Variants in NBEA observed in about 807,000 individuals in gnomAD.
NBEA encodes the protein neurobeachin.
In NBEA, 44 loss-of-function variants were observed where a neutral mutation model predicts 343.4. The ratio of observed to expected loss-of-function variants is 0.13; its 90% CI spans 0.10 to 0.16. The LOEUF (loss-of-function observed/expected upper bound fraction) is 0.16. Ranked by LOEUF, NBEA falls within the 10% of genes least tolerant of loss-of-function variation. The pLI is 1.00. For synonymous variants in NBEA, 1,175 were observed against 1,238.7 expected, an observed-to-expected ratio of 0.95 and a Z score of 1.08; for missense variants, 2,555 against 3,631.3, an observed-to-expected ratio of 0.70 and a Z score of 7.62.
chr13:35,468,959 C>T (rs1166088924), intron 40 of NBEA, among the ~76,000 whole-genome samples: 1 of 151,786 alleles, frequency 6.6e-6, no homozygotes, highest in Non-Finnish European at 1.5e-5. Context: ...ATTAGCTGGG[C>T]ACAGTGGTGC....
chr13:35,468,210 C>G (rs1165565782), intron 40 of NBEA, among the ~76,000 whole-genome samples: 1 of 149,822 alleles, frequency 6.7e-6, no homozygotes, highest in African/African-American at 2.5e-5. Context: ...TATATCTAAG[C>G]CTCATTCTTT....
At chr13:35,318,200 C>T (rs898825251) in intron 36 of NBEA, among the ~76,000 whole-genome samples, 1 of 152,070 alleles carries the variant, frequency 6.6e-6, no homozygotes, top group African/African-American at 2.4e-5. Flanking sequence ...GAAATGCTTC[C>T]AGTTTTTGCC....
At chr13:34,974,810 A>C (rs777713840) in intron 1 of NBEA, among the ~76,000 whole-genome samples, 2 of 152,204 alleles carry the variant, frequency 1.3e-5, no homozygotes, top group African/African-American at 4.8e-5. Context: ...ATATGTGTGG[A>C]CTACAGCAAT....
chr13:35,214,203 T>C (rs539657161), intron 33 of NBEA, among the ~76,000 whole-genome samples: 7 of 152,106 alleles, frequency 4.6e-5, no homozygotes, highest in Middle Eastern at 3.4e-3. Context: ...AATGATTCTA[T>C]AGATATTTGA....
intron 38 of NBEA, among the ~76,000 whole-genome samples, chr13:35,378,607 C>T (rs558088465): frequency 4.7e-4 from 72 of 151,932 alleles, no homozygotes; most frequent in South Asian, 2.1e-4. Flanking sequence ...CTATAGATCA[C>T]CACAGGATAT....
chr13:35,455,983 A>G (rs2046563100), intron 40 of NBEA, among the ~76,000 whole-genome samples: 1 of 152,088 alleles, frequency 6.6e-6, no homozygotes, highest in African/African-American at 2.4e-5. Flanking sequence ...TCTTCTGTTT[A>G]TAACTCAATT....
chr13:35,190,316 A>G (rs2072086827), intron 30 of NBEA, among the ~76,000 whole-genome samples: 1 of 152,140 alleles, frequency 6.6e-6, no homozygotes. Context: ...AGAATGAGAT[A>G]TCCATATTCC....
intron 36 of NBEA, among the ~76,000 whole-genome samples, chr13:35,313,433 G>T (rs1045647477): frequency 1.3e-5 from 2 of 152,042 alleles, no homozygotes; most frequent in Admixed American, 6.6e-5. Flanking sequence ...CTATTTATTT[G>T]CCCTGTTAAA....
At chr13:35,419,271 T>C (rs916384056) in intron 38 of NBEA, among the ~76,000 whole-genome samples, 9 of 152,020 alleles carry the variant, frequency 5.9e-5, no homozygotes, top group Non-Finnish European at 4.4e-5. Context: ...CCAGTAGATT[T>C]GGTGTTTCGT....
At chr13:35,462,488 G>C (rs2046962134) in intron 40 of NBEA, among the ~76,000 whole-genome samples, 1 of 152,198 alleles carries the variant, frequency 6.6e-6, no homozygotes, top group Non-Finnish European at 1.5e-5. Context: ...TAGGTAGAAA[G>C]CATGAGTCAG....
chr13:35,645,921 A>T lies in NBEA; in HGVS notation c.7670A>T (p.Asp2557Val). 6.4e-7 allele frequency: 1 copy of T among 1,564,984 alleles called. No individual in the cohort carries two copies. Among genetic ancestry groups the T allele is most frequent in the Non-Finnish European group, 8.7e-7 (1 of 1,149,454 alleles). The change falls in exon 50 of 59, where the codon GAC becomes GTC. Residue 2557 changes from aspartate to valine, a missense_variant. Asp to Val is a radical substitution (Grantham distance 152). This residue lies in a region of NBEA where 87 missense variants were observed against 75.0 expected (regional missense o/e 1.16). Transcript: ENST00000379939. ...CCCCACACTTTCCTTCTTACAAAGGACTTTATTAAGGTATATGTTCTGTAT... is the reference window on the plus strand; with the variant it reads ...CCCCACACTTTCCTTCTTACAAAGGTCTTTATTAAGGTATATGTTCTGTAT... ...RDPHTFLLTK[D>V]FIKAMEAQIQ... is the part of the protein sequence containing the mutation.
chr13:35,001,180 G>C (rs1026088360), intron 1 of NBEA, among the ~76,000 whole-genome samples: 5 of 152,120 alleles, frequency 3.3e-5, no homozygotes, highest in African/African-American at 1.2e-4. Context: ...ACAAATGCTG[G>C]GTAGGATACA....
intron 34 of NBEA, among the ~76,000 whole-genome samples, chr13:35,246,850 C>T (rs1023201111): frequency 1.3e-5 from 2 of 152,074 alleles, no homozygotes; most frequent in Non-Finnish European, 2.9e-5. Context: ...GGCCCTAGAT[C>T]TCCAAAGAGA....
chr13:35,025,682 G>C (rs1459801429), intron 1 of NBEA, among the ~76,000 whole-genome samples: 1 of 152,038 alleles, frequency 6.6e-6, no homozygotes, highest in Non-Finnish European at 1.5e-5. Flanking sequence ...TTGAATAAAA[G>C]AGATGTCTCA....
intron 31 of NBEA, among the ~76,000 whole-genome samples, chr13:35,198,538 T>C (rs1322404476): frequency 6.6e-6 from 1 of 152,192 alleles, no homozygotes; most frequent in Admixed American, 6.5e-5. Context: ...ATTATACTTT[T>C]GAGAATATTG....
In NBEA at chr13:35,654,852, T is replaced by C; in HGVS notation, c.8036-3T>C. The C allele has an allele frequency of 6.4e-7, 1 of 1,566,416 alleles. No individual in the cohort carries two copies. Among genetic ancestry groups the C allele is most frequent in the South Asian group, 1.2e-5 (1 of 80,472 alleles). On this transcript the variant is annotated splice_region_variant and splice_polypyrimidine_tract_variant and intron_variant, in intron 53 of 58. Coordinates refer to ENST00000379939, the MANE Select transcript of NBEA (RefSeq NM_001385012.1). ...TCAAATGCTTTTTTCCATTTACTTTTAGCCAATAATTCAGGTGTAAACAAA... is the reference window on the plus strand; with the variant it reads ...TCAAATGCTTTTTTCCATTTACTTTCAGCCAATAATTCAGGTGTAAACAAA...
chr13:35,639,199 A>G (rs1279856707), intron 49 of NBEA, among the ~76,000 whole-genome samples: 3 of 152,206 alleles, frequency 2.0e-5, no homozygotes, highest in South Asian at 2.1e-4. Flanking sequence ...TGTGGTTTCT[A>G]TGAAAAACTA....
intron 39 of NBEA, among the ~76,000 whole-genome samples, chr13:35,434,324 A>G (rs2045295827): frequency 6.6e-6 from 1 of 152,286 alleles, no homozygotes; most frequent in African/African-American, 2.4e-5. Context: ...TGTGATACTA[A>G]ATATTCTTTA....
rs925407349 is a variant in NBEA, at chr13:35,671,887, C to A, written c.*896C>A. The A allele has an allele frequency of 6.6e-6, 1 of 152,426 alleles. No individual in the cohort carries two copies. The highest frequency in any genetic ancestry group is 2.4e-5 in the African/African-American group (1 of 41,422). The allele number at this position is 152,426 out of a possible 1,614,324, so 9.4% of individuals were successfully genotyped here. A position where few individuals can be genotyped will look rare whatever the true frequency, so the allele number is the denominator to read the frequency against. ...TAGTTCTGTAGTAATAACTTCCCAGCACCTGGACATCTCTTCCAGAGTTAT... is the reference window on the plus strand; with the variant it reads ...TAGTTCTGTAGTAATAACTTCCCAGAACCTGGACATCTCTTCCAGAGTTAT... On this transcript the variant is annotated 3_prime_UTR_variant, in exon 59 of 59. Coordinates refer to ENST00000379939, the MANE Select transcript of NBEA (RefSeq NM_001385012.1).
Sources: gnomAD v4.1 joint callset for allele counts (sites outside exome capture counted in the v4.1 genomes callset) on GRCh38, gnomAD v4.1.1 for gene constraint, gnomAD v4.1.1 regional missense constraint, MANE v1.5 for transcripts, NCBI Gene and HGNC (gene_info 2026-07-23, HGNC 2026-07-21) for gene names.